CCDC88C: variants seen among roughly 807,000 people sequenced by gnomAD.
CCDC88C encodes the protein coiled-coil and HOOK domain protein 88C, also known as protein Daple.
In CCDC88C, 131 loss-of-function variants were observed where a neutral mutation model predicts 198.8. The observed-to-expected ratio is 0.66, with a 90% CI of 0.57 to 0.76. The LOEUF (loss-of-function observed/expected upper bound fraction) is 0.76, where lower values mean the gene tolerates loss of function less well. CCDC88C is among the 30% of genes least tolerant of loss of function. CCDC88C has a pLI of 0.00. For missense variants in CCDC88C, 2,553 were observed against 2,631.6 expected, an observed-to-expected ratio of 0.97 and a Z score of 0.65; for synonymous variants, 1,166 against 1,114.7, an observed-to-expected ratio of 1.05 and a Z score of -0.92.
chr14:91,287,437 ACCTC>A (rs1299986044), intron 25 of CCDC88C, among the ~76,000 whole-genome samples: 3 of 151,964 alleles, frequency 2.0e-5, no homozygotes, highest in Non-Finnish European at 4.4e-5. Flanking sequence ...TGCAGCCACG[ACCTC>A]CTGGGCTCAA....
chr14:91,376,517 G>C (rs770571278), intron 3 of CCDC88C, among the ~76,000 whole-genome samples: 1 of 152,208 alleles, frequency 6.6e-6, no homozygotes, highest in Admixed American at 6.5e-5. Flanking sequence ...TCTCTGGAGA[G>C]CCCACAGGTG....
chr14:91,391,753 TG>T (rs1410131011), intron 3 of CCDC88C, among the ~76,000 whole-genome samples: 1 of 152,156 alleles, frequency 6.6e-6, no homozygotes, highest in East Asian at 1.9e-4. Flanking sequence ...TACTCCAGCC[TG>T]GGTGACAGAG....
At chr14:91,309,479 C>T (rs1049694307) in intron 16 of CCDC88C, among the ~76,000 whole-genome samples, 4 of 151,942 alleles carry the variant, frequency 2.6e-5, no homozygotes, top group African/African-American at 9.7e-5. Flanking sequence ...CGGTGCATGC[C>T]TGTGGTCCCA....
At chr14:91,398,564 G>A (rs1321570353) in intron 3 of CCDC88C, among the ~76,000 whole-genome samples, 1 of 152,204 alleles carries the variant, frequency 6.6e-6, no homozygotes, top group African/African-American at 2.4e-5. Flanking sequence ...GATTGAGGCT[G>A]GAGGATTGCT....
In CCDC88C at chr14:91,291,007, G is replaced by C; in HGVS notation, c.4190C>G (p.Pro1397Arg). 6.3e-7 allele frequency: 1 copy of C among 1,579,626 alleles called. No homozygotes were observed. Among genetic ancestry groups the C allele is most frequent in the Non-Finnish European group, 8.7e-7 (1 of 1,154,806 alleles). ...KIMDQYKFYD[P>R]PPKKKNHWIG... ...TAAATCAACTCACTTCTTTGGAGGA[G>C]GATCATAGAACTTGTATTGATCCAT... The change falls in exon 24 of 30, where the codon CCT (proline) becomes CGT (arginine). Residue 1397 changes from proline to arginine, a missense_variant. Pro to Arg is a moderately radical substitution (Grantham distance 103). Coordinates refer to ENST00000389857, the MANE Select transcript of CCDC88C (RefSeq NM_001080414.4).
At chr14:91,285,388 G>A (rs532067570) in intron 25 of CCDC88C, 5 of 454,432 alleles carry the variant, frequency 1.1e-5, no homozygotes, top group East Asian at 7.0e-5. Context: ...ACGGCCACTC[G>A]ACTTACTTAG....
In CCDC88C at chr14:91,272,350, C is replaced by T. The variant is rs1347112090; in HGVS notation, c.*275G>A. ...GGGGGAAGTCAGTTTGTCATTGCAT[C>T]CTAATTGGTCCCCATGCTGACGTGG... On this transcript the variant is annotated 3_prime_UTR_variant, in exon 30 of 30. Coordinates refer to ENST00000389857, the MANE Select transcript of CCDC88C (RefSeq NM_001080414.4). The T allele has an allele frequency of 1.3e-5, 6 of 467,566 alleles. No individual in the cohort carries two copies. Among genetic ancestry groups the T allele is most frequent in the East Asian group, 1.2e-4 (3 of 24,974 alleles). The allele number at this position is 467,566 out of a possible 1,614,324, so 29.0% of individuals were successfully genotyped here. A position where few individuals can be genotyped will look rare whatever the true frequency, so the allele number is the denominator to read the frequency against.
chr14:91,383,951 C>T (rs1042046635), intron 3 of CCDC88C, among the ~76,000 whole-genome samples: 2 of 152,216 alleles, frequency 1.3e-5, no homozygotes, highest in Non-Finnish European at 2.9e-5. Flanking sequence ...CTACTATAAA[C>T]ACCCATTCTG....
chr14:91,337,715 C>T (rs899617552), intron 10 of CCDC88C, among the ~76,000 whole-genome samples: 19 of 152,204 alleles, frequency 1.2e-4, no homozygotes, highest in African/African-American at 1.2e-4. Flanking sequence ...TTTTAAAAGA[C>T]GCACACGGAT....
intron 10 of CCDC88C, among the ~76,000 whole-genome samples, chr14:91,330,149 C>T (rs1189460361): frequency 6.6e-6 from 1 of 152,234 alleles, no homozygotes; most frequent in Non-Finnish European, 1.5e-5. Flanking sequence ...AGAGCTCCCA[C>T]TCTGGTTGGG....
At chr14:91,292,788 T>C (rs1683972343) in intron 23 of CCDC88C, among the ~76,000 whole-genome samples, 1 of 152,110 alleles carries the variant, frequency 6.6e-6, no homozygotes, top group Admixed American at 6.6e-5. Context: ...AGATTCTCGA[T>C]TCCTCGACTT....
Position 91,272,582 on chromosome 14 carries a change from C to T in CCDC88C, c.*43G>A, listed in dbSNP as rs751483743. On this transcript the variant is annotated 3_prime_UTR_variant, in exon 30 of 30. Coordinates refer to ENST00000389857, the MANE Select transcript of CCDC88C (RefSeq NM_001080414.4). ...AGAAAAGGCCGTGAGAGTCGGAAGG[C>T]GCGTCAGTAGTTTTCAGGTTTGCGA... The T allele has an allele frequency of 1.2e-5, 18 of 1,557,912 alleles. No individual in the cohort carries two copies. Among genetic ancestry groups the T allele is most frequent in the East Asian group, 6.8e-5 (3 of 43,990 alleles).
Position 91,371,819 on chromosome 14 carries a change from C to T in CCDC88C, c.271-12108G>A, listed in dbSNP as rs1004645065. Among the ~76,000 whole-genome samples, 1 of 152,222 alleles carries T rather than the reference C, an allele frequency of 6.6e-6. No homozygotes were observed. The highest frequency in any genetic ancestry group is 1.5e-5 in the Non-Finnish European group (1 of 68,036). The stretch of plus-strand genomic sequence containing the variant: ...CTGGGGCCACGCCACACCCTGGCAG[C>T]CCTCACCCGGTGGCCTGACAATGCC... On this transcript the variant is annotated intron_variant, in intron 3 of 29. Transcript: ENST00000389857. The surrounding 1 kb of genome is among the most constrained non-coding windows in gnomAD (Gnocchi z 4.2).
intron 3 of CCDC88C, among the ~76,000 whole-genome samples, chr14:91,360,204 G>GACCAA (rs1894243566): frequency 6.6e-6 from 1 of 151,522 alleles, no homozygotes; most frequent in African/African-American, 2.4e-5. Flanking sequence ...GATAGCTTGA[G>GACCAA]GCCAGGATTT....
chr14:91,315,978 A>T (rs1324317656), intron 13 of CCDC88C, 191 bp from the exon 14 acceptor site: 23 of 582,548 alleles, frequency 3.9e-5, no homozygotes, highest in Non-Finnish European at 6.5e-5. Flanking sequence ...GTCACCAGGA[A>T]GCAAACCATC....
chr14:91,372,541 G>GGGGGGGGGGGGGGGGGGGGT (rs1748892435), intron 3 of CCDC88C, among the ~76,000 whole-genome samples: 1 of 93,616 alleles, frequency 1.1e-5, no homozygotes, highest in Non-Finnish European at 2.1e-5. Flanking sequence ...GGGGGGGCGG[G>GGGGGGGGGGGGGGGGGGGGT]CGGGGGGGGG....
chr14:91,274,718 TG>T (rs1265135068), intron 29 of CCDC88C, among the ~76,000 whole-genome samples: 2 of 152,186 alleles, frequency 1.3e-5, no homozygotes, highest in African/African-American at 4.8e-5. Context: ...TCATCACCTG[TG>T]GGGCCATGTG....
intron 17 of CCDC88C, among the ~76,000 whole-genome samples, chr14:91,308,002 C>T (rs1891634283): frequency 6.6e-6 from 1 of 152,220 alleles, no homozygotes; most frequent in African/African-American, 2.4e-5. Context: ...CCCTGTGCAC[C>T]CATCTGTCTC....
chr14:91,286,142 C>T (rs561503354), intron 25 of CCDC88C, among the ~76,000 whole-genome samples: 2 of 152,278 alleles, frequency 1.3e-5, no homozygotes, highest in East Asian at 3.9e-4. Context: ...TTTTCGGTTT[C>T]AGTGTGCCAA....
Sources: allele counts gnomAD v4.1 joint callset (sites outside exome capture counted in the v4.1 genomes callset), GRCh38; gene constraint gnomAD v4.1.1; non-coding constraint Gnocchi (gnomAD v3.1); transcripts MANE v1.5; gene names NCBI Gene and HGNC (gene_info 2026-07-23, HGNC 2026-07-21).